SERPINA12: variants seen among roughly 807,000 people sequenced by gnomAD.
SERPINA12 encodes serpin family A member 12.
SERPINA12 carries 21 observed loss-of-function variants against 25.9 expected under a neutral mutation model. The observed-to-expected ratio is 0.81, with a 90% confidence interval of 0.58 to 1.17. The LOEUF is 1.17. SERPINA12 is among the 50% of genes most tolerant of loss of function. The pLI, the probability that SERPINA12 is intolerant of heterozygous loss-of-function variation, is 0.00. For missense variants in SERPINA12, 562 were observed against 508.3 expected, an observed-to-expected ratio of 1.11 and a Z score of -1.02; for synonymous variants, 220 against 196.0, an observed-to-expected ratio of 1.12 and a Z score of -1.02.
At chr14:94,496,672 G>A in intron 2 of SERPINA12, 29 bp from the exon 3 acceptor site, 1 of 1,605,472 alleles carries the variant, frequency 6.2e-7, no homozygotes, top group Non-Finnish European at 8.5e-7. Flanking sequence ...AAACAGACAT[G>A]TTATCCCAAG....
rs1245586870 is a variant in SERPINA12, at chr14:94,489,669, T to C, written c.1004A>G (p.His335Arg). The change falls in exon 4 of 5, where the codon CAT (histidine) becomes CGT (arginine). Residue 335 changes from histidine to arginine, a missense_variant. His to Arg is a conservative substitution (Grantham distance 29). Coordinates refer to ENST00000677451, the MANE Select transcript of SERPINA12 (RefSeq NM_001382267.1). ...YIGVSKIFEE[H>R]GDLTKIAPHR... ...AGGGGCGATCTTGGTGAGATCACCATGTTCCTCAAAGATTTTGGAGACACC... is the reference window on the plus strand; with the variant it reads ...AGGGGCGATCTTGGTGAGATCACCACGTTCCTCAAAGATTTTGGAGACACC... 7.4e-6 allele frequency: 12 copies of C among 1,614,100 alleles called. No homozygotes were observed. Among genetic ancestry groups the C allele is most frequent in the South Asian group, 1.1e-5 (1 of 91,090 alleles).
upstream of SERPINA12, chr14:94,511,368 A>T: frequency 1.0e-6 from 1 of 978,910 alleles, no homozygotes; most frequent in Non-Finnish European, 1.2e-6. Context: ...CAAATGTCAC[A>T]CGGTTATTTA....
At chr14:94,488,505 G>A (rs534924886) in intron 4 of SERPINA12, among the ~76,000 whole-genome samples, 1 of 152,050 alleles carries the variant, frequency 6.6e-6, no homozygotes, top group African/African-American at 2.4e-5. Context: ...GGGTTGCCAG[G>A]TGAAATACAG....
At chr14:94,499,880 G>A (rs1195608761) in intron 1 of SERPINA12, among the ~76,000 whole-genome samples, 1 of 152,188 alleles carries the variant, frequency 6.6e-6, no homozygotes, top group Non-Finnish European at 1.5e-5. Context: ...TCTGGATGCA[G>A]GTCATGGTGC....
chr14:94,509,148 C>G (rs2139864359), intron 1 of SERPINA12, among the ~76,000 whole-genome samples, 194 bp downstream of exon 1: 1 of 152,292 alleles, frequency 6.6e-6, no homozygotes, highest in East Asian at 1.9e-4. Flanking sequence ...GCAGCCAGCA[C>G]AGACCCATGG....
In SERPINA12 at chr14:94,489,724, A is replaced by G. The variant is rs983319237; in HGVS notation, c.949T>C (p.Phe317Leu). Residue 317 changes from phenylalanine to leucine, a missense_variant, in exon 4 of 5, where the codon TTC becomes CTC. Phe to Leu is a conservative substitution (Grantham distance 22). Coordinates refer to ENST00000677451, the MANE Select transcript of SERPINA12 (RefSeq NM_001382267.1). Reference protein sequence around the residue: ...SVPRLHMTGTFDLKKTLSYIG... With the variant: ...SVPRLHMTGTLDLKKTLSYIG... ...TAGGAGAGAGTCTTCTTCAGGTCGA[A>G]GGTGCCCGTCATGTGGAGTCTGGGT... 1.7e-5 allele frequency: 28 copies of G among 1,614,064 alleles called. No homozygotes were observed. The highest frequency in any genetic ancestry group is 2.4e-5 in the Non-Finnish European group (28 of 1,180,022).
intron 1 of SERPINA12, among the ~76,000 whole-genome samples, chr14:94,506,642 A>G (rs1406101497): frequency 6.6e-6 from 1 of 152,226 alleles, no homozygotes; most frequent in East Asian, 1.9e-4. Flanking sequence ...TAATTGCAAA[A>G]TGGGAATAAC....
intron 3 of SERPINA12, among the ~76,000 whole-genome samples, chr14:94,492,358 A>G (rs1900212133): frequency 6.6e-6 from 1 of 152,182 alleles, no homozygotes; most frequent in Non-Finnish European, 1.5e-5. Flanking sequence ...GCAGAGGTCA[A>G]GAGAAGCTTT....
intron 4 of SERPINA12, 123 bp downstream of exon 4, chr14:94,489,497 C>A (rs1900059726): frequency 2.6e-6 from 3 of 1,147,566 alleles, no homozygotes; most frequent in Non-Finnish European, 3.7e-6. Context: ...CAGCTGCATT[C>A]ATGCCCGCCC....
At position 94,487,460 on chromosome 14, in the gene SERPINA12, CT is replaced by C. The variant is rs1899951556; in HGVS notation, c.1087del (p.Arg363GlyfsTer24). 8 of 1,613,858 alleles carry C rather than the reference CT, an allele frequency of 5.0e-6. No homozygotes were observed. The highest frequency in any genetic ancestry group is 5.9e-6 in the Non-Finnish European group (7 of 1,179,910). ...GGTGCCAGCGGCCCCTTCCGTACCC[CT>C]CTCATCCATCTTCAGCTCAGCCTTG... ...VHKAELKMDE[R>X]GTEGAAGTGA... On this transcript the variant is annotated frameshift_variant, in exon 5 of 5. Transcript: ENST00000677451. LOFTEE classifies it low-confidence loss of function (END_TRUNC).
At position 94,487,358 on chromosome 14, in the gene SERPINA12, T is replaced by C. The variant is rs1161212157; in HGVS notation, c.1190A>G (p.Glu397Gly). 2 of 1,614,026 alleles carry C rather than the reference T, an allele frequency of 1.2e-6. No homozygotes were observed. Among genetic ancestry groups the C allele is most frequent in the Non-Finnish European group, 1.7e-6 (2 of 1,180,004 alleles). The change falls in exon 5 of 5, where the codon GAG becomes GGG. Residue 397 changes from glutamate (E) to glycine (G), a missense_variant. By Grantham distance (98) the Glu-to-Gly change is moderately conservative. Coordinates refer to ENST00000677451, the MANE Select transcript of SERPINA12 (RefSeq NM_001382267.1). ...CAGGAAGAGCACGGAAGGTATTTTC[T>C]CGCTGTAAATCAGCAGCAGATAGGG... ...DKPYLLLIYS[E>G]KIPSVLFLGK... is the part of the protein sequence containing the mutation.
At chr14:94,509,919 G>A (rs1018130032), upstream of SERPINA12, 2 of 930,624 alleles carry the variant, frequency 2.1e-6, no homozygotes, top group South Asian at 4.9e-5. Context: ...AGGAATGGGT[G>A]TGGGCACCCT....
upstream of SERPINA12, chr14:94,510,194 G>A: frequency 1.0e-6 from 1 of 985,426 alleles, no homozygotes. Context: ...CATTGGATCT[G>A]TGGTTGCCTG....
chr14:94,496,706 C>A, intron 2 of SERPINA12, 63 bp from the exon 3 acceptor site: 1 of 1,383,166 alleles, frequency 7.2e-7, no homozygotes, highest in Middle Eastern at 1.8e-4. Flanking sequence ...CTAAATCCAA[C>A]TAACCAGTAG....
chr14:94,517,162 C>G (rs1297251370), intron 1 of SERPINA12, among the ~76,000 whole-genome samples: 2 of 152,074 alleles, frequency 1.3e-5, no homozygotes, highest in African/African-American at 4.8e-5. Context: ...CTTCCTCACT[C>G]TATCACAGGC....
chr14:94,494,797 A>G (rs1900324814), intron 3 of SERPINA12, among the ~76,000 whole-genome samples: 2 of 152,334 alleles, frequency 1.3e-5, no homozygotes, highest in African/African-American at 4.8e-5. Context: ...AATTCTCTCA[A>G]GAGTACTGTG....
At chr14:94,488,312 G>A (rs1001955450) in intron 4 of SERPINA12, among the ~76,000 whole-genome samples, 1 of 152,072 alleles carries the variant, frequency 6.6e-6, no homozygotes, top group East Asian at 2.0e-4. Flanking sequence ...TGGCAAGCTG[G>A]ATCCTTCCCA....
intron 4 of SERPINA12, among the ~76,000 whole-genome samples, chr14:94,488,847 C>A (rs1900015659): frequency 6.6e-6 from 1 of 152,192 alleles, no homozygotes; most frequent in Non-Finnish European, 1.5e-5. Context: ...GTAATCCCAG[C>A]ACTTTGGGAG....
chr14:94,491,377 GT>G (rs1052911977), intron 3 of SERPINA12, among the ~76,000 whole-genome samples: 29 of 152,002 alleles, frequency 1.9e-4, no homozygotes, highest in Admixed American at 1.6e-3. Context: ...ACAAATTGGG[GT>G]TTTTTTTCCT....
Sources: allele counts gnomAD v4.1 joint callset (sites outside exome capture counted in the v4.1 genomes callset), GRCh38; gene constraint gnomAD v4.1.1; transcripts MANE v1.5; gene names NCBI Gene and HGNC (gene_info 2026-07-23, HGNC 2026-07-21).